METTL8: variants seen among roughly 807,000 people sequenced by gnomAD.
METTL8 encodes the protein methyltransferase 8, tRNA N3-cytidine.
METTL8 carries 32 observed loss-of-function variants against 48.7 expected under a neutral mutation model. That is an observed-to-expected ratio of 0.66 (90% CI 0.50 to 0.88). METTL8 has a LOEUF of 0.88. METTL8 is among the 40% of genes least tolerant of loss of function. The pLI, the probability that METTL8 is intolerant of heterozygous loss-of-function variation, is 0.00. For missense variants in METTL8, 464 were observed against 474.4 expected (o/e 0.98, Z 0.20); for synonymous variants, 136 against 157.1 (o/e 0.87, Z 1.01).
intron 1 of METTL8, among the ~76,000 whole-genome samples, chr2:171,397,276 G>A (rs1334092980): frequency 6.7e-6 from 1 of 149,286 alleles, no homozygotes; most frequent in Non-Finnish European, 1.5e-5. Context: ...AGCTTTGGGA[G>A]GGAGGTCAAG....
chr2:171,372,861 ATTTTCTTCAT>A (rs1330483314), intron 2 of METTL8, among the ~76,000 whole-genome samples: 4 of 151,964 alleles, frequency 2.6e-5, no homozygotes, highest in African/African-American at 9.7e-5. Flanking sequence ...TATATGCCAT[ATTTTCTTCAT>A]CCAATCTATC....
intron 1 of METTL8, among the ~76,000 whole-genome samples, chr2:171,394,698 C>G (rs1688892838): frequency 6.6e-6 from 1 of 152,092 alleles, no homozygotes; most frequent in Non-Finnish European, 1.5e-5. Context: ...AAATATATAA[C>G]AACTGTATAT....
chr2:171,403,163 A>G (rs895316760), intron 1 of METTL8, among the ~76,000 whole-genome samples: 3 of 152,140 alleles, frequency 2.0e-5, no homozygotes, highest in African/African-American at 7.2e-5. Context: ...CTTCTTTCTA[A>G]AAGAGTTCAG....
At chr2:171,330,994 G>T (rs1685469617) in intron 6 of METTL8, among the ~76,000 whole-genome samples, 1 of 152,086 alleles carries the variant, frequency 6.6e-6, no homozygotes, top group South Asian at 2.1e-4. Flanking sequence ...GCCTGCTCTG[G>T]GTTGCTGTTT....
chr2:171,337,181 T>C (rs892224385), intron 5 of METTL8, among the ~76,000 whole-genome samples: 11 of 152,174 alleles, frequency 7.2e-5, no homozygotes, highest in African/African-American at 2.7e-4. Context: ...TCCTCTTTTC[T>C]TATTCTCTCA....
intron 1 of METTL8, among the ~76,000 whole-genome samples, chr2:171,431,396 C>G (rs984215201): frequency 6.6e-6 from 1 of 152,194 alleles, no homozygotes; most frequent in African/African-American, 2.4e-5. Flanking sequence ...TTTCAGGACC[C>G]CTTTCTTTAC....
intron 2 of METTL8, among the ~76,000 whole-genome samples, chr2:171,383,434 A>G (rs1215193693): frequency 1.3e-5 from 2 of 152,190 alleles, no homozygotes; most frequent in Non-Finnish European, 2.9e-5. Flanking sequence ...GAAACAGGGT[A>G]GAATAAAATA....
intron 3 of METTL8, among the ~76,000 whole-genome samples, 155 bp from the exon 4 acceptor site, chr2:171,339,709 A>T (rs1686505499): frequency 6.6e-6 from 1 of 152,170 alleles, no homozygotes; most frequent in South Asian, 2.1e-4. Flanking sequence ...AATCTATCTG[A>T]TAAAAGGTTG....
rs1685037159 is a variant in METTL8 at position 171,360,432 on chromosome 2, C to T, written c.225G>A (p.Leu75=). 6.2e-7 allele frequency: 1 copy of T among 1,613,594 alleles called. No individual in the cohort carries two copies. The highest frequency in any genetic ancestry group is 8.5e-7 in the Non-Finnish European group (1 of 1,179,834). ...VKENSAVRVL[L]EEQVKYEREA... Reference sequence around the variant, plus strand: ...CACGCAGTTGACTACCTTGCTCTTCCAGAAGGACTCGCACAGCTGAGTTTT... The same window carrying T: ...CACGCAGTTGACTACCTTGCTCTTCTAGAAGGACTCGCACAGCTGAGTTTT... Residue 75 remains leucine, a synonymous_variant, in exon 3 of 10, where the codon CTG becomes CTA. Transcript: ENST00000375258.
intron 3 of METTL8, among the ~76,000 whole-genome samples, chr2:171,343,561 A>G (rs973227835): frequency 1.3e-5 from 2 of 152,152 alleles, no homozygotes; most frequent in African/African-American, 4.8e-5. Context: ...ATAGTCATTC[A>G]TAACAATAAG....
chr2:171,353,482 G>A (rs1684181536), intron 3 of METTL8, among the ~76,000 whole-genome samples: 1 of 152,170 alleles, frequency 6.6e-6, no homozygotes, highest in Non-Finnish European at 1.5e-5. Context: ...TGTCTATTAG[G>A]TCCACTTGCT....
intron 1 of METTL8, among the ~76,000 whole-genome samples, chr2:171,420,033 C>A (rs1427735152): frequency 6.6e-6 from 1 of 151,760 alleles, no homozygotes; most frequent in Non-Finnish European, 1.5e-5. Flanking sequence ...TCCCACCAAG[C>A]AGATGACTGA....
intron 2 of METTL8, among the ~76,000 whole-genome samples, chr2:171,388,093 T>G (rs1279425717): frequency 6.6e-6 from 1 of 152,188 alleles, no homozygotes; most frequent in African/African-American, 2.4e-5. Context: ...ATAAAACAAA[T>G]ACATTTACCT....
At chr2:171,418,472 A>G (rs1487284643) in intron 1 of METTL8, among the ~76,000 whole-genome samples, 1 of 152,206 alleles carries the variant, frequency 6.6e-6, no homozygotes, top group Non-Finnish European at 1.5e-5. Context: ...AGGGCAGAAT[A>G]TCTACACAAA....
At chr2:171,409,755 G>T (rs1199448991) in intron 1 of METTL8, among the ~76,000 whole-genome samples, 2 of 152,182 alleles carry the variant, frequency 1.3e-5, no homozygotes, top group African/African-American at 4.8e-5. Context: ...TCCTCTGAAT[G>T]GAGGCATCTG....
intron 2 of METTL8, among the ~76,000 whole-genome samples, chr2:171,383,139 A>G (rs1687732738): frequency 6.6e-6 from 1 of 152,192 alleles, no homozygotes; most frequent in Non-Finnish European, 1.5e-5. Flanking sequence ...AAAAAACAAA[A>G]AGAACCATAT....
At chr2:171,409,857 C>A (rs1394614247) in intron 1 of METTL8, among the ~76,000 whole-genome samples, 2 of 152,152 alleles carry the variant, frequency 1.3e-5, no homozygotes, top group Non-Finnish European at 2.9e-5. Flanking sequence ...GTGGGGAAGG[C>A]AGCTTCTCCC....
upstream of METTL8, chr2:171,434,751 C>T (rs977399548): frequency 2.2e-6 from 3 of 1,389,810 alleles, no homozygotes; most frequent in Non-Finnish European, 2.8e-6. Flanking sequence ...GGGCGCGCGG[C>T]GGCCGAGCCT....
At chr2:171,393,018 C>T (rs1252341453) in intron 1 of METTL8, among the ~76,000 whole-genome samples, 2 of 151,720 alleles carry the variant, frequency 1.3e-5, no homozygotes, top group East Asian at 1.9e-4. Context: ...GCAAGAGAAT[C>T]GCTTGAACCC....
Sources: allele counts gnomAD v4.1 joint callset (sites outside exome capture counted in the v4.1 genomes callset), GRCh38; gene constraint gnomAD v4.1.1; transcripts MANE v1.5; gene names NCBI Gene and HGNC (gene_info 2026-07-23, HGNC 2026-07-21).